Variants in ARPP21 observed in about 807,000 individuals in gnomAD.
The protein encoded by ARPP21 is cAMP-regulated phosphoprotein 21.
In ARPP21, 69 loss-of-function variants were observed where a neutral mutation model predicts 113.2. The observed-to-expected ratio is 0.61, with a 90% CI of 0.50 to 0.74. ARPP21 has a LOEUF of 0.74. Among genes scored for constraint, ARPP21 ranks in the 30% least tolerant of loss-of-function variants. The pLI, the probability that ARPP21 is intolerant of heterozygous loss-of-function variation, is 0.00. For synonymous variants in ARPP21, 368 were observed against 375.5 expected (o/e 0.98, Z 0.23); for missense variants, 1,070 against 1,037.4 (o/e 1.03, Z -0.43).
intron 13 of ARPP21, among the ~76,000 whole-genome samples, chr3:35,718,729 A>T (rs997912460): frequency 6.6e-6 from 1 of 152,204 alleles, no homozygotes; most frequent in Non-Finnish European, 1.5e-5. Context: ...CATAAAGGAA[A>T]ATAAATATTT....
rs746784708 is a variant in ARPP21, at chr3:35,793,881, A to G, written c.2467A>G (p.Thr823Ala). Residue 823 changes from threonine (T) to alanine (A), a missense_variant, in exon 21 of 21, where the codon ACT becomes GCT. Coordinates refer to ENST00000684406, the MANE Select transcript of ARPP21 (RefSeq NM_001385562.1). Reference sequence around the variant, plus strand: ...GATTGGCCCACACTGCCCCTCCAGCACTGTCCCAGTGATGTCAGCTAGCTG... The same window carrying G: ...GATTGGCCCACACTGCCCCTCCAGCGCTGTCCCAGTGATGTCAGCTAGCTG... ...RLIGPHCPSS[T>A]VPVMSASCRT... 6.2e-7 allele frequency: 1 copy of G among 1,614,148 alleles called. No individual in the cohort carries two copies. Among genetic ancestry groups the G allele is most frequent in the Non-Finnish European group, 8.5e-7 (1 of 1,179,994 alleles).
At chr3:35,729,999 G>T (rs1408102164) in intron 15 of ARPP21, among the ~76,000 whole-genome samples, 1 of 152,204 alleles carries the variant, frequency 6.6e-6, no homozygotes, top group Non-Finnish European at 1.5e-5. Context: ...ATTAACTCTA[G>T]AAGTTGCTTT....
chr3:35,651,608 C>A (rs979785619), intron 1 of ARPP21: 1 of 151,998 alleles, frequency 6.6e-6, no homozygotes, highest in African/African-American at 2.4e-5. Context: ...GGCTCAGATC[C>A]AACTCTGCAA....
intron 15 of ARPP21, among the ~76,000 whole-genome samples, chr3:35,735,014 A>G (rs2094250906): frequency 1.3e-5 from 2 of 152,140 alleles, no homozygotes; most frequent in East Asian, 1.9e-4. Flanking sequence ...CTTAGTTCCC[A>G]TGTTATAACA....
intron 15 of ARPP21, among the ~76,000 whole-genome samples, chr3:35,733,745 T>G (rs2094155850): frequency 6.6e-6 from 1 of 152,240 alleles, no homozygotes; most frequent in African/African-American, 2.4e-5. Flanking sequence ...GTTTCTCAGT[T>G]CTTTCCATCT....
chr3:35,729,237 A>T, intron 14 of ARPP21, 66 bp from the exon 15 acceptor site: 2 of 1,110,336 alleles, frequency 1.8e-6, no homozygotes, highest in Non-Finnish European at 2.7e-6. Flanking sequence ...GAGCATTTAG[A>T]CTCAGATTGG....
chr3:35,766,477 C>G (rs1229220172), intron 19 of ARPP21, among the ~76,000 whole-genome samples: 1 of 152,210 alleles, frequency 6.6e-6, no homozygotes, highest in Non-Finnish European at 1.5e-5. Context: ...CTAGATGCCA[C>G]TGTATGTGAA....
chr3:35,777,581 A>G (rs2096408919), intron 19 of ARPP21, among the ~76,000 whole-genome samples: 1 of 152,236 alleles, frequency 6.6e-6, no homozygotes, highest in Non-Finnish European at 1.5e-5. Flanking sequence ...GGCTAAATGT[A>G]CTAAACTTGA....
At chr3:35,672,267 G>C (rs1513472) in intron 1 of ARPP21, among the ~76,000 whole-genome samples, 138,763 of 152,024 alleles carry the variant, frequency 0.91, 63,473 homozygotes, top group East Asian at 1. Flanking sequence ...AAATATTCTG[G>C]ACAGTAGGAG....
At chr3:35,691,149 AT>A in intron 9 of ARPP21, 144 bp downstream of exon 9, 1 of 873,168 alleles carries the variant, frequency 1.1e-6, no homozygotes, top group Non-Finnish European at 1.6e-6. Context: ...GTAGTGTGGC[AT>A]TTATCTGTAG....
chr3:35,702,682 G>A (rs963519797), intron 9 of ARPP21, among the ~76,000 whole-genome samples: 3 of 151,718 alleles, frequency 2.0e-5, no homozygotes, highest in African/African-American at 7.2e-5. Context: ...AAGAGTTTGA[G>A]AGATGCTAAT....
chr3:35,722,356 G>A (rs2093164298), intron 14 of ARPP21, among the ~76,000 whole-genome samples: 1 of 152,030 alleles, frequency 6.6e-6, no homozygotes. Context: ...TCCTGGACCT[G>A]GTTTTTAACC....
At chr3:35,738,790 C>T (rs2094501794) in intron 17 of ARPP21, among the ~76,000 whole-genome samples, 1 of 152,166 alleles carries the variant, frequency 6.6e-6, no homozygotes, top group Non-Finnish European at 1.5e-5. Flanking sequence ...ATGAACATTG[C>T]TCCTAAATTT....
intron 19 of ARPP21, among the ~76,000 whole-genome samples, chr3:35,756,362 A>G (rs765191353): frequency 2.6e-5 from 4 of 152,128 alleles, no homozygotes; most frequent in Non-Finnish European, 4.4e-5. Flanking sequence ...TTCAGTAGTT[A>G]TAGTATGATT....
intron 9 of ARPP21, among the ~76,000 whole-genome samples, chr3:35,704,992 A>T (rs550791216): frequency 6.6e-6 from 1 of 152,248 alleles, no homozygotes; most frequent in South Asian, 2.1e-4. Context: ...TTCTGAGATA[A>T]TTTTATTTGT....
At chr3:35,643,068 T>C (rs922269057) in intron 1 of ARPP21, among the ~76,000 whole-genome samples, 1 of 152,130 alleles carries the variant, frequency 6.6e-6, no homozygotes, top group Non-Finnish European at 1.5e-5. Flanking sequence ...TTTGTATATA[T>C]GCAGAACACC....
chr3:35,714,304 G>T (rs1346446201), intron 11 of ARPP21, among the ~76,000 whole-genome samples: 1 of 152,162 alleles, frequency 6.6e-6, no homozygotes, highest in African/African-American at 2.4e-5. Context: ...TAGCCCATTG[G>T]CTTAGTGGAA....
At chr3:35,691,040 T>C (rs2082093878) in intron 9 of ARPP21, 35 bp downstream of exon 9, 1 of 1,580,320 alleles carries the variant, frequency 6.3e-7, no homozygotes, top group African/African-American at 1.4e-5. Context: ...TAGCATTTTC[T>C]TTTTCTCCTA....
chr3:35,790,022 C>T (rs898505628), intron 19 of ARPP21, among the ~76,000 whole-genome samples: 3 of 152,176 alleles, frequency 2.0e-5, no homozygotes, highest in Non-Finnish European at 4.4e-5. Context: ...CAACCCGCTT[C>T]TCTTTCCCCC....
Sources: allele counts gnomAD v4.1 joint callset (sites outside exome capture counted in the v4.1 genomes callset), GRCh38; gene constraint gnomAD v4.1.1; transcripts MANE v1.5; gene names NCBI Gene and HGNC (gene_info 2026-07-23, HGNC 2026-07-21).